The following AXDND1 variants were observed in gnomAD, a reference collection of about 807,000 sequenced individuals.
The protein encoded by AXDND1 is axonemal dynein light chain domain-containing protein 1.
In AXDND1, 110 loss-of-function variants were observed where a neutral mutation model predicts 137.5. The observed-to-expected ratio is 0.80, with a 90% CI of 0.69 to 0.94. The LOEUF is 0.94. AXDND1 is among the 40% of genes least tolerant of loss of function. AXDND1 has a pLI of 0.00. For missense variants in AXDND1, 1,191 were observed against 1,169.8 expected, an observed-to-expected ratio of 1.02 and a Z score of -0.26; for synonymous variants, 414 against 399.7, an observed-to-expected ratio of 1.04 and a Z score of -0.43.
intron 25 of AXDND1, among the ~76,000 whole-genome samples, chr1:179,535,243 CT>C (rs918701529): frequency 1.3e-5 from 2 of 150,852 alleles, no homozygotes; most frequent in Non-Finnish European, 2.9e-5. Context: ...TTTTATTATA[CT>C]TTAAGTTCTG....
intron 15 of AXDND1, among the ~76,000 whole-genome samples, chr1:179,441,697 C>T (rs1264621171): frequency 1.3e-5 from 2 of 152,094 alleles, no homozygotes; most frequent in Non-Finnish European, 2.9e-5. Context: ...GGCCCAGGCA[C>T]ATTTAGCGGC....
At chr1:179,515,297 T>C (rs577438851) in intron 21 of AXDND1, among the ~76,000 whole-genome samples, 1 of 152,186 alleles carries the variant, frequency 6.6e-6, no homozygotes, top group Non-Finnish European at 1.5e-5. Context: ...CATTTGTTTG[T>C]CTGGAAAAGA....
rs542031553 is a variant in AXDND1 at position 179,406,952 on chromosome 1, G to A, written c.1110-4194G>A. ...TTTTCTCCTTTCCTCTTATTTTATT[G>A]TTTATCATTGCTGTTTGGTGGTTTT... On this transcript the variant is annotated intron_variant, in intron 11 of 25. Transcript: ENST00000367618. Among the ~76,000 whole-genome samples, 8 of 151,910 alleles carry A rather than the reference G, an allele frequency of 5.3e-5. No individual in the cohort carries two copies. The East Asian group carries it at 1.5e-3, about 29-fold the overall frequency.
intron 12 of AXDND1, among the ~76,000 whole-genome samples, chr1:179,421,764 G>A (rs550754618): frequency 5.9e-5 from 9 of 151,716 alleles, no homozygotes; most frequent in Non-Finnish European, 7.4e-5. Context: ...TCAGCTGGGC[G>A]CAGTGGCTCA....
At chr1:179,385,464 A>G (rs1178111043) in intron 9 of AXDND1, 105 bp downstream of exon 9, 18 of 1,311,442 alleles carry the variant, frequency 1.4e-5, no homozygotes, top group Non-Finnish European at 2.0e-5. Flanking sequence ...TCTCTATTCT[A>G]CTGATCGTAA....
At position 179,393,898 on chromosome 1, in the gene AXDND1, T is replaced by C. The variant is rs761867263; in HGVS notation, c.864-5T>C. 1.1e-5 allele frequency: 17 copies of C among 1,585,242 alleles called. No individual in the cohort carries two copies. Among genetic ancestry groups the C allele is most frequent in the Admixed American group, 7.7e-5 (4 of 51,662 alleles). ...CTAGGAGCTTTTTGGTTGTTTGTCA[T>C]GCAGAGAGAGGTATGTGCAAATGCT... On this transcript the variant is annotated splice_polypyrimidine_tract_variant and splice_region_variant and intron_variant, in intron 9 of 25. Coordinates refer to ENST00000367618, the MANE Select transcript of AXDND1 (RefSeq NM_144696.6).
At chr1:179,520,897 A>G (rs919968674) in intron 21 of AXDND1, among the ~76,000 whole-genome samples, 8 of 148,156 alleles carry the variant, frequency 5.4e-5, no homozygotes, top group African/African-American at 2.0e-4. Flanking sequence ...GCATATTTAT[A>G]TATATTATAT....
intron 15 of AXDND1, among the ~76,000 whole-genome samples, chr1:179,443,332 A>ATATC (rs1304714843): frequency 2.0e-5 from 3 of 152,236 alleles, no homozygotes; most frequent in African/African-American, 4.8e-5. Flanking sequence ...TGCCTATCCT[A>ATATC]TATCTGGCTT....
intron 12 of AXDND1, among the ~76,000 whole-genome samples, chr1:179,414,616 G>C (rs868753132): frequency 4.6e-5 from 7 of 152,062 alleles, no homozygotes; most frequent in African/African-American, 9.6e-5. Context: ...TAGTAGAGAG[G>C]GGGTTTCACC....
At chr1:179,391,042 G>T (rs1345094756) in intron 9 of AXDND1, among the ~76,000 whole-genome samples, 1 of 151,498 alleles carries the variant, frequency 6.6e-6, no homozygotes, top group Non-Finnish European at 1.5e-5. Flanking sequence ...CCGACATCAG[G>T]TGATCCACCC....
chr1:179,490,185 A>G (rs1025653790), intron 18 of AXDND1, among the ~76,000 whole-genome samples: 1 of 152,242 alleles, frequency 6.6e-6, no homozygotes, highest in African/African-American at 2.4e-5. Context: ...ATAGATGTGC[A>G]AATGACTATA....
At chr1:179,535,942 T>A (rs1310218214) in intron 25 of AXDND1, among the ~76,000 whole-genome samples, 1 of 152,246 alleles carries the variant, frequency 6.6e-6, no homozygotes, top group Non-Finnish European at 1.5e-5. Context: ...GGCCTCTCAT[T>A]GTGGTTTTGA....
rs893474124 is a variant in AXDND1, at chr1:179,535,628, G to T, written c.3031+666G>T. Among the ~76,000 whole-genome samples, 59 of 152,264 alleles carry T rather than the reference G, an allele frequency of 3.9e-4. 1 individual carries two copies. Among genetic ancestry groups the T allele is most frequent in the African/African-American group, 1.4e-3 (58 of 41,538 alleles). ...TTTCTTTATCCAGTCTATCATTGAT[G>T]GACATTTGAGTTGGTTCCAAGTTTT... is the stretch of plus-strand genomic sequence containing the variant. On this transcript the variant is annotated intron_variant, in intron 25 of 25. Coordinates refer to ENST00000367618, the MANE Select transcript of AXDND1 (RefSeq NM_144696.6).
intron 15 of AXDND1, among the ~76,000 whole-genome samples, chr1:179,440,283 T>C (rs1658800806): frequency 6.6e-6 from 1 of 152,238 alleles, no homozygotes; most frequent in Non-Finnish European, 1.5e-5. Context: ...CATGGTCAGT[T>C]TTAATTGTTC....
Position 179,491,668 on chromosome 1 carries a change from T to C in AXDND1, c.2222T>C (p.Val741Ala). The C allele has an allele frequency of 6.2e-7, 1 of 1,611,776 alleles. No individual in the cohort carries two copies. Among genetic ancestry groups the C allele is most frequent in the Non-Finnish European group, 8.5e-7 (1 of 1,179,302 alleles). ...EESAEKHDIG[V>A]ARLELDAIEL... The stretch of plus-strand genomic sequence containing the variant: ...AGTGCTGAGAAACATGATATAGGAG[T>C]TGCGCGATTGGAGCTAGATGCGATT... Residue 741 changes from valine to alanine, a missense_variant, in exon 19 of 26, where the codon GTT becomes GCT. Transcript: ENST00000367618.
chr1:179,482,098 A>ATTTTTTTTTTTTTTTTTT (rs57145549), intron 17 of AXDND1, among the ~76,000 whole-genome samples: 1 of 108,038 alleles, frequency 9.3e-6, no homozygotes, highest in Non-Finnish European at 1.8e-5. Context: ...GAGCTTTTTA[A>ATTTTTTTTTTTTTTTTTT]TTTTTTTTTT....
chr1:179,386,270 G>A (rs942495816), intron 9 of AXDND1, among the ~76,000 whole-genome samples: 1 of 151,802 alleles, frequency 6.6e-6, no homozygotes, highest in Non-Finnish European at 1.5e-5. Flanking sequence ...GGCTGGTCTC[G>A]AACTCCTGAC....
intron 9 of AXDND1, among the ~76,000 whole-genome samples, chr1:179,386,006 A>AAC (rs1649140247): frequency 6.6e-6 from 1 of 151,430 alleles, no homozygotes; most frequent in South Asian, 2.1e-4. Flanking sequence ...TATTCCCCCA[A>AAC]ACGTAATGTG....
intron 21 of AXDND1, among the ~76,000 whole-genome samples, chr1:179,517,906 C>T (rs1478715466): frequency 1.3e-5 from 2 of 152,204 alleles, no homozygotes; most frequent in South Asian, 2.1e-4. Flanking sequence ...AAATTTCTCA[C>T]GTGAGCCTCC....
Sources: allele counts gnomAD v4.1 joint callset (sites outside exome capture counted in the v4.1 genomes callset), GRCh38; gene constraint gnomAD v4.1.1; transcripts MANE v1.5; gene names NCBI Gene and HGNC (gene_info 2026-07-23, HGNC 2026-07-21).